FAM168A: variants seen among roughly 807,000 people sequenced by gnomAD.
FAM168A encodes the protein protein FAM168A.
FAM168A carries 3 observed loss-of-function variants against 28.5 expected under a neutral mutation model. That is an observed-to-expected ratio of 0.11 (90% confidence interval 0.05 to 0.27). The LOEUF (loss-of-function observed/expected upper bound fraction) is 0.27, where lower values mean the gene tolerates loss of function less well. Ranked by LOEUF, FAM168A falls within the 10% of genes least tolerant of loss-of-function variation. The pLI is 1.00. For missense variants in FAM168A, 222 were observed against 311.5 expected (o/e 0.71, Z 2.16); for synonymous variants, 122 against 124.2 (o/e 0.98, Z 0.12).
intron 1 of FAM168A, among the ~76,000 whole-genome samples, chr11:73,486,018 T>C (rs1022722536): frequency 1.3e-5 from 2 of 152,148 alleles, no homozygotes; most frequent in Non-Finnish European, 2.9e-5. Flanking sequence ...GATCTACCAA[T>C]ACCTTAGAAT....
At chr11:73,410,194 T>A (rs1318141923) in intron 5 of FAM168A, among the ~76,000 whole-genome samples, 2 of 151,612 alleles carry the variant, frequency 1.3e-5, no homozygotes, top group Non-Finnish European at 2.9e-5. Context: ...TCACTTGAGG[T>A]CAGGAGTTCG....
At chr11:73,487,857 A>G (rs1338523994) in intron 1 of FAM168A, among the ~76,000 whole-genome samples, 2 of 152,100 alleles carry the variant, frequency 1.3e-5, no homozygotes, top group Non-Finnish European at 2.9e-5. Flanking sequence ...AATTCTACCT[A>G]TATTTCATTG....
At chr11:73,576,733 C>T (rs1944181165) in intron 1 of FAM168A, among the ~76,000 whole-genome samples, 1 of 152,094 alleles carries the variant, frequency 6.6e-6, no homozygotes. Flanking sequence ...CCCAGTAGTT[C>T]GATCCTGGGC....
At chr11:73,425,301 G>C (rs1866868578) in intron 3 of FAM168A, among the ~76,000 whole-genome samples, 1 of 152,176 alleles carries the variant, frequency 6.6e-6, no homozygotes, top group Admixed American at 6.5e-5. Context: ...AGAGCTGCCG[G>C]ATGTGAACAA....
intron 1 of FAM168A, among the ~76,000 whole-genome samples, chr11:73,481,008 A>G (rs1867960764): frequency 6.6e-6 from 1 of 152,124 alleles, no homozygotes; most frequent in Non-Finnish European, 1.5e-5. Flanking sequence ...TGTTTTTAAT[A>G]CCATCGTTCT....
chr11:73,559,430 G>T (rs1292456233), intron 1 of FAM168A, among the ~76,000 whole-genome samples: 1 of 151,940 alleles, frequency 6.6e-6, no homozygotes, highest in Non-Finnish European at 1.5e-5. Flanking sequence ...TCCAGCCTGA[G>T]CGACAAGAGT....
At chr11:73,544,958 T>TA (rs1943718054) in intron 1 of FAM168A, among the ~76,000 whole-genome samples, 2 of 92,198 alleles carry the variant, frequency 2.2e-5, no homozygotes, top group Admixed American at 3.4e-4. Context: ...TAATATATTA[T>TA]ATATAATATA....
At chr11:73,528,132 C>G (rs548303784) in intron 1 of FAM168A, among the ~76,000 whole-genome samples, 1 of 152,290 alleles carries the variant, frequency 6.6e-6, no homozygotes, top group Non-Finnish European at 1.5e-5. Flanking sequence ...TCATCCAATA[C>G]TTTTGATGAA....
chr11:73,516,099 TTAAAA>T (rs1943300813), intron 1 of FAM168A, among the ~76,000 whole-genome samples: 1 of 121,558 alleles, frequency 8.2e-6, no homozygotes. Flanking sequence ...GACTCTGCCT[TTAAAA>T]AAAAAAAAAA....
intron 1 of FAM168A, among the ~76,000 whole-genome samples, chr11:73,589,179 C>T (rs555816515): frequency 6.6e-6 from 1 of 152,244 alleles, no homozygotes; most frequent in Admixed American, 6.5e-5. Flanking sequence ...ATGACCAACG[C>T]ATAATGCTAC....
chr11:73,504,131 A>G (rs1214162122), intron 1 of FAM168A, among the ~76,000 whole-genome samples: 1 of 152,254 alleles, frequency 6.6e-6, no homozygotes, highest in East Asian at 1.9e-4. Context: ...AAGCAATTGC[A>G]ACAAAAGCCA....
At chr11:73,500,264 T>G (rs1253416968) in intron 1 of FAM168A, among the ~76,000 whole-genome samples, 1 of 149,168 alleles carries the variant, frequency 6.7e-6, no homozygotes, top group African/African-American at 2.5e-5. Flanking sequence ...TCCTTTTTTT[T>G]TTTTTTTTTT....
intron 1 of FAM168A, among the ~76,000 whole-genome samples, chr11:73,496,812 G>A (rs548476029): frequency 5.3e-5 from 8 of 151,344 alleles, no homozygotes; most frequent in African/African-American, 1.2e-4. Flanking sequence ...CACCCACCTC[G>A]GCCTCCCAAA....
At chr11:73,562,939 C>G (rs1434304764) in intron 1 of FAM168A, among the ~76,000 whole-genome samples, 2 of 152,106 alleles carry the variant, frequency 1.3e-5, no homozygotes, top group African/African-American at 4.8e-5. Context: ...CACACGGGCC[C>G]CAGAGAGGGG....
intron 1 of FAM168A, among the ~76,000 whole-genome samples, chr11:73,478,860 C>G (rs1303735902): frequency 6.6e-6 from 1 of 152,020 alleles, no homozygotes; most frequent in Non-Finnish European, 1.5e-5. Context: ...ATACTGAAAG[C>G]TAGAATTTAA....
intron 1 of FAM168A, among the ~76,000 whole-genome samples, chr11:73,587,465 T>C (rs1159884061): frequency 6.7e-6 from 1 of 148,802 alleles, no homozygotes; most frequent in Non-Finnish European, 1.5e-5. Flanking sequence ...GCACTCCAGC[T>C]GAGGTGACAA....
intron 1 of FAM168A, among the ~76,000 whole-genome samples, chr11:73,557,188 A>G (rs935049042): frequency 5.3e-5 from 8 of 152,228 alleles, no homozygotes; most frequent in Admixed American, 2.6e-4. Context: ...TCTGACACGT[A>G]CCAAAACATG....
At chr11:73,411,117 A>T (rs540694531) in intron 5 of FAM168A, among the ~76,000 whole-genome samples, 1 of 152,206 alleles carries the variant, frequency 6.6e-6, no homozygotes, top group Non-Finnish European at 1.5e-5. Flanking sequence ...CTTGTTTAAC[A>T]AAGGAGTTGA....
chr11:73,516,099 TTAAAAAAAA>T (rs1255244729), intron 1 of FAM168A, among the ~76,000 whole-genome samples: 1 of 121,564 alleles, frequency 8.2e-6, no homozygotes, highest in Non-Finnish European at 1.8e-5. Flanking sequence ...GACTCTGCCT[TTAAAAAAAA>T]AAAAAAAAAG....
Sources: allele counts gnomAD v4.1 joint callset (sites outside exome capture counted in the v4.1 genomes callset), GRCh38; gene constraint gnomAD v4.1.1; transcripts MANE v1.5; gene names NCBI Gene and HGNC (gene_info 2026-07-23, HGNC 2026-07-21).